FAM177A1: variants seen among roughly 807,000 people sequenced by gnomAD.
FAM177A1 encodes protein FAM177A1.
Under a neutral mutation model 26.1 loss-of-function variants are expected in FAM177A1, and 22 were observed. The ratio of observed to expected loss-of-function variants is 0.84; its 90% CI spans 0.60 to 1.20. The LOEUF is 1.20. FAM177A1 is among the 50% of genes most tolerant of loss of function. FAM177A1 has a pLI of 0.00. For synonymous variants in FAM177A1, 95 were observed against 99.3 expected (o/e 0.96, Z 0.26); for missense variants, 296 against 291.1 (o/e 1.02, Z -0.12).
intron 3 of FAM177A1, among the ~76,000 whole-genome samples, chr14:35,078,585 C>T (rs1368561547): frequency 1.3e-5 from 2 of 152,198 alleles, no homozygotes; most frequent in East Asian, 1.9e-4. Flanking sequence ...GTCCTGACCT[C>T]ATGTGATTTG....
rs1487935463 is a variant in FAM177A1 at position 35,046,469 on chromosome 14, A to T, written c.6A>T (p.Glu2Asp). The T allele has an allele frequency of 1.9e-6, 3 of 1,583,486 alleles. No homozygotes were observed. The highest frequency in any genetic ancestry group is 2.6e-6 in the Non-Finnish European group (3 of 1,165,314). M[E>D]VGLPAITLFL... Reference sequence around the variant, plus strand: ...ACTGGGCGGGGAGACCAAGGATGGAAGTGGGCTTACCGGCCATTACCCTCT... The same window carrying T: ...ACTGGGCGGGGAGACCAAGGATGGATGTGGGCTTACCGGCCATTACCCTCT... The change falls in exon 1 of 5, where the codon GAA (glutamate) becomes GAT (aspartate). Residue 2 changes from glutamate (E) to aspartate (D), a missense_variant. Transcript: ENST00000280987.
rs1158058233 is a variant in FAM177A1, at chr14:35,077,552, G to A, written c.406+336G>A. Among the ~76,000 whole-genome samples, 149 of 133,514 alleles carry A rather than the reference G, an allele frequency of 1.1e-3. 1 individual carries two copies. Among genetic ancestry groups the A allele is most frequent in the African/African-American group, 3.9e-3 (136 of 34,734 alleles). 87.6% of individuals were successfully genotyped at this position (133,514 alleles called of 152,430 possible). On this transcript the variant is annotated intron_variant, in intron 3 of 4. Coordinates refer to ENST00000280987, the MANE Select transcript of FAM177A1 (RefSeq NM_173607.5). ...CTGCGGACTGCAGTGGCACAATCTT[G>A]GCTCACTGCAAGCTCCGCTTCCCGG...
At chr14:35,080,573 G>T (rs1378337089) in intron 4 of FAM177A1, among the ~76,000 whole-genome samples, 2 of 152,166 alleles carry the variant, frequency 1.3e-5, no homozygotes, top group Non-Finnish European at 2.9e-5. Context: ...GGCCGAGGTG[G>T]GTGGATCACT....
chr14:35,069,682 TATG>T (rs1298868531), intron 2 of FAM177A1, among the ~76,000 whole-genome samples: 7 of 152,122 alleles, frequency 4.6e-5, no homozygotes, highest in Non-Finnish European at 7.4e-5. Flanking sequence ...ACATCATAAA[TATG>T]ATAAGACAAA....
At chr14:35,061,485 G>T (rs902627059) in intron 2 of FAM177A1, among the ~76,000 whole-genome samples, 5 of 132,054 alleles carry the variant, frequency 3.8e-5, no homozygotes, top group South Asian at 2.5e-4. Context: ...TTTAGTCTTT[G>T]TTTTACAAAT....
intron 2 of FAM177A1, among the ~76,000 whole-genome samples, chr14:35,059,524 C>G (rs1023380751): frequency 6.7e-6 from 1 of 148,864 alleles, no homozygotes; most frequent in Non-Finnish European, 1.5e-5. Flanking sequence ...TCTACAGAAG[C>G]ATTTACATTT....
intron 2 of FAM177A1, among the ~76,000 whole-genome samples, chr14:35,073,160 T>C (rs2045348591): frequency 6.6e-6 from 1 of 152,166 alleles, no homozygotes; most frequent in South Asian, 2.1e-4. Context: ...AACCTCCATC[T>C]CCTGGGTTCA....
intron 2 of FAM177A1, among the ~76,000 whole-genome samples, chr14:35,070,415 A>G (rs1270615889): frequency 6.6e-6 from 1 of 151,480 alleles, no homozygotes; most frequent in Non-Finnish European, 1.5e-5. Context: ...CTGCAACCTC[A>G]GCCTCCCGGA....
intron 2 of FAM177A1, among the ~76,000 whole-genome samples, chr14:35,061,418 T>C (rs753951721): frequency 6.8e-4 from 103 of 151,172 alleles, no homozygotes; most frequent in Non-Finnish European, 1.6e-4. Flanking sequence ...ACCTTCACTT[T>C]AGGAGCTGAG....
At chr14:35,074,105 G>C (rs910653354) in intron 2 of FAM177A1, among the ~76,000 whole-genome samples, 3 of 152,146 alleles carry the variant, frequency 2.0e-5, no homozygotes, top group African/African-American at 4.8e-5. Flanking sequence ...TCTCCAGAGG[G>C]ACAGAACTAA....
intron 2 of FAM177A1, among the ~76,000 whole-genome samples, chr14:35,073,316 C>T (rs573161522): frequency 1.7e-4 from 26 of 152,280 alleles, no homozygotes; most frequent in Admixed American, 3.3e-4. Flanking sequence ...GTAATCTGCC[C>T]GCCTCAGCCT....
intron 3 of FAM177A1, 61 bp from the exon 4 acceptor site, chr14:35,078,866 T>C (rs1290952385): frequency 8.1e-7 from 1 of 1,230,188 alleles, no homozygotes; most frequent in African/African-American, 1.6e-5. Flanking sequence ...GTCTTACACA[T>C]AGAAAGTGCT....
At chr14:35,074,946 A>G (rs1449417967) in intron 2 of FAM177A1, among the ~76,000 whole-genome samples, 1 of 152,086 alleles carries the variant, frequency 6.6e-6, no homozygotes, top group Non-Finnish European at 1.5e-5. Context: ...CTGAGGCACA[A>G]GAGTCACTTG....
At chr14:35,051,078 C>T (rs1055860011) in intron 1 of FAM177A1, among the ~76,000 whole-genome samples, 4 of 152,152 alleles carry the variant, frequency 2.6e-5, no homozygotes, top group Non-Finnish European at 4.4e-5. Context: ...CATGTTAATA[C>T]ATAGGTAGCC....
chr14:35,045,100 T>A (rs906414457), upstream of FAM177A1: 2 of 152,108 alleles, frequency 1.3e-5, no homozygotes, highest in Non-Finnish European at 2.9e-5. Flanking sequence ...AACAATTGGT[T>A]CTTTATTTTT....
intron 1 of FAM177A1, among the ~76,000 whole-genome samples, chr14:35,052,662 T>A (rs1420377454): frequency 6.6e-6 from 1 of 152,100 alleles, no homozygotes; most frequent in Admixed American, 6.6e-5. Flanking sequence ...CAGTGACGTA[T>A]GCCTGTAATC....
Position 35,046,939 on chromosome 14 carries a change from A to G in FAM177A1, c.165+311A>G. The G allele has an allele frequency of 2.6e-6, 3 of 1,144,912 alleles. No homozygotes were observed. In the South Asian group the frequency reaches 8.9e-5, roughly 34 times the overall value. The allele number at this position is 1,144,912 out of a possible 1,614,324, so 70.9% of individuals were successfully genotyped here. A position where few individuals can be genotyped will look rare whatever the true frequency, so the allele number is the denominator to read the frequency against. On this transcript the variant is annotated intron_variant, in intron 1 of 4. Transcript: ENST00000280987. ...CGTGTCCCCCAAAGGCTGTCCTTGC[A>G]GTAGCTGGAAGCCAGGTGAGGGCGG...
chr14:35,047,070 C>T (rs1047260721), intron 1 of FAM177A1: 23 of 958,728 alleles, frequency 2.4e-5, no homozygotes, highest in Admixed American at 6.1e-5. Context: ...TGGATCCTTA[C>T]AGTAACCGCT....
chr14:35,063,115 C>T (rs952584196), intron 2 of FAM177A1, among the ~76,000 whole-genome samples: 5 of 139,998 alleles, frequency 3.6e-5, no homozygotes, highest in East Asian at 2.1e-4. Context: ...GAGCCAAGAT[C>T]GCGCCACTGC....
Sources: gnomAD v4.1 joint callset for allele counts (sites outside exome capture counted in the v4.1 genomes callset) on GRCh38, gnomAD v4.1.1 for gene constraint, MANE v1.5 for transcripts, NCBI Gene and HGNC (gene_info 2026-07-23, HGNC 2026-07-21) for gene names.